The following PCSK2 variants were observed in gnomAD, a reference collection of about 807,000 sequenced individuals.
PCSK2 encodes the protein neuroendocrine convertase 2.
PCSK2 carries 14 observed loss-of-function variants against 69.7 expected under a neutral mutation model. That is an observed-to-expected ratio of 0.20 (90% CI 0.13 to 0.31). The LOEUF is 0.31. Among genes scored for constraint, PCSK2 ranks in the 10% least tolerant of loss-of-function variants. The pLI, the probability that PCSK2 is intolerant of heterozygous loss-of-function variation, is 1.00. For synonymous variants in PCSK2, 307 were observed against 320.7 expected (o/e 0.96, Z 0.46); for missense variants, 544 against 842.5 (o/e 0.65, Z 4.39).
chr20:17,343,016 T>C (rs1990551586), intron 2 of PCSK2, among the ~76,000 whole-genome samples: 1 of 152,124 alleles, frequency 6.6e-6, no homozygotes, highest in Non-Finnish European at 1.5e-5. Context: ...ACTTTACAGA[T>C]GAGAAAACAA....
chr20:17,403,192 G>A (rs561031966), intron 5 of PCSK2, among the ~76,000 whole-genome samples: 2 of 152,278 alleles, frequency 1.3e-5, no homozygotes, highest in South Asian at 2.1e-4. Context: ...GGCAACCTTA[G>A]GAGTATGGAA....
At position 17,453,070 on chromosome 20, in the gene PCSK2, A is replaced by G. The variant is rs1302744149; in HGVS notation, c.886-672A>G. Among the ~76,000 whole-genome samples the G allele has an allele frequency of 6.6e-6, 1 of 152,220 alleles. No individual in the cohort carries two copies. The highest frequency in any genetic ancestry group is 1.5e-5 in the Non-Finnish European group (1 of 68,030). On this transcript the variant is annotated intron_variant, in intron 8 of 11. Coordinates refer to ENST00000262545, the MANE Select transcript of PCSK2 (RefSeq NM_002594.5). The surrounding 1 kb of genome is among the most constrained non-coding windows in gnomAD (Gnocchi z 4.0). ...AGTTCCCTTGCTCAAGTAAAATGTC[A>G]TATATTATGTGTTTAAAAGGATTCT...
At chr20:17,304,002 A>ATAGCTAT (rs1433642082) in intron 2 of PCSK2, among the ~76,000 whole-genome samples, 1 of 150,414 alleles carries the variant, frequency 6.6e-6, no homozygotes, top group Non-Finnish European at 1.5e-5. Context: ...TAGCTATTAC[A>ATAGCTAT]TAGCTATATA....
chr20:17,320,234 C>CATACA (rs1989822338), intron 2 of PCSK2, among the ~76,000 whole-genome samples: 1 of 152,206 alleles, frequency 6.6e-6, no homozygotes, highest in Non-Finnish European at 1.5e-5. Context: ...AGACACTTAG[C>CATACA]TCTCATCCAT....
At chr20:17,316,642 C>A (rs558291009) in intron 2 of PCSK2, among the ~76,000 whole-genome samples, 1 of 152,304 alleles carries the variant, frequency 6.6e-6, no homozygotes, top group African/African-American at 2.4e-5. Context: ...AGGAGATACA[C>A]AGTCCTATAA....
intron 1 of PCSK2, among the ~76,000 whole-genome samples, chr20:17,232,704 T>G (rs751690546): frequency 6.6e-6 from 1 of 152,220 alleles, no homozygotes; most frequent in Non-Finnish European, 1.5e-5. Context: ...AGGCAGCCAA[T>G]TGTAAGTCAA....
chr20:17,383,203 T>C (rs1337809756), intron 5 of PCSK2, among the ~76,000 whole-genome samples: 1 of 152,208 alleles, frequency 6.6e-6, no homozygotes, highest in Non-Finnish European at 1.5e-5. Flanking sequence ...CCTTCACCTT[T>C]TAATTTCTTC....
At chr20:17,413,942 T>A (rs896327943) in intron 6 of PCSK2, among the ~76,000 whole-genome samples, 1 of 152,076 alleles carries the variant, frequency 6.6e-6, no homozygotes, top group Non-Finnish European at 1.5e-5. Flanking sequence ...ACTGGGTACA[T>A]AACGAAATGA....
At chr20:17,381,364 A>T (rs974310097) in intron 5 of PCSK2, among the ~76,000 whole-genome samples, 1 of 152,234 alleles carries the variant, frequency 6.6e-6, no homozygotes, top group Non-Finnish European at 1.5e-5. Flanking sequence ...AGGCAGAAGA[A>T]TAAGATGTAT....
chr20:17,305,857 G>A (rs1358978953), intron 2 of PCSK2, among the ~76,000 whole-genome samples: 1 of 152,114 alleles, frequency 6.6e-6, no homozygotes. Context: ...ACCTTTGCAG[G>A]TTTAGCACTA....
At chr20:17,302,107 T>C (rs933853567) in intron 2 of PCSK2, among the ~76,000 whole-genome samples, 1 of 152,146 alleles carries the variant, frequency 6.6e-6, no homozygotes, top group African/African-American at 2.4e-5. Flanking sequence ...CTGTCCCTGC[T>C]TAACCCAGAA....
intron 2 of PCSK2, among the ~76,000 whole-genome samples, chr20:17,329,858 T>C (rs1219439951): frequency 6.6e-6 from 1 of 152,196 alleles, no homozygotes; most frequent in Non-Finnish European, 1.5e-5. Flanking sequence ...TCCCTCTATA[T>C]CGAGCCCCTC....
At chr20:17,374,480 A>G (rs1050462312) in intron 5 of PCSK2, among the ~76,000 whole-genome samples, 28 of 152,170 alleles carry the variant, frequency 1.8e-4, no homozygotes, top group African/African-American at 6.5e-4. Context: ...TGCTGAAGCT[A>G]CAAAGGTGAA....
chr20:17,337,666 C>T (rs752631789), intron 2 of PCSK2, among the ~76,000 whole-genome samples: 1 of 151,852 alleles, frequency 6.6e-6, no homozygotes, highest in African/African-American at 2.4e-5. Flanking sequence ...TGACTCAGGC[C>T]CGTATCACAA....
intron 5 of PCSK2, among the ~76,000 whole-genome samples, chr20:17,373,898 C>A (rs1437147477): frequency 2.0e-5 from 3 of 152,156 alleles, no homozygotes; most frequent in African/African-American, 7.2e-5. Context: ...ATAATAACGG[C>A]CACTTGGATT....
intron 5 of PCSK2, among the ~76,000 whole-genome samples, chr20:17,395,282 T>C (rs1272845679): frequency 6.6e-6 from 1 of 152,174 alleles, no homozygotes; most frequent in Non-Finnish European, 1.5e-5. Flanking sequence ...CAAAAATGAG[T>C]AGAAACTCAA....
intron 2 of PCSK2, among the ~76,000 whole-genome samples, chr20:17,306,861 G>A (rs1989342683): frequency 6.6e-6 from 1 of 152,158 alleles, no homozygotes; most frequent in Non-Finnish European, 1.5e-5. Flanking sequence ...TTAAGTCTTA[G>A]GGGAAAGTTT....
chr20:17,300,091 T>C (rs1989026945), intron 2 of PCSK2, among the ~76,000 whole-genome samples: 1 of 152,190 alleles, frequency 6.6e-6, no homozygotes, highest in South Asian at 2.1e-4. Flanking sequence ...TTTGCTCTGG[T>C]TTTATTTCAC....
chr20:17,407,745 C>T (rs192307004), intron 5 of PCSK2, among the ~76,000 whole-genome samples: 25 of 152,142 alleles, frequency 1.6e-4, no homozygotes, highest in Non-Finnish European at 3.4e-4. Context: ...AAACTGGCAA[C>T]TTGCCAGTAG....
Sources: gnomAD v4.1 joint callset for allele counts (sites outside exome capture counted in the v4.1 genomes callset) on GRCh38, gnomAD v4.1.1 for gene constraint, Gnocchi (gnomAD v3.1) non-coding constraint, MANE v1.5 for transcripts, NCBI Gene and HGNC (gene_info 2026-07-23, HGNC 2026-07-21) for gene names.